The following ARHGAP5 variants were observed in gnomAD, a reference collection of about 807,000 sequenced individuals.
The protein encoded by ARHGAP5 is rho GTPase-activating protein 5.
ARHGAP5 carries 23 observed loss-of-function variants against 116.6 expected under a neutral mutation model. The observed-to-expected ratio is 0.20, with a 90% confidence interval of 0.14 to 0.28. ARHGAP5 has a LOEUF of 0.28. Among genes scored for constraint, ARHGAP5 ranks in the 10% least tolerant of loss-of-function variants. The pLI, the probability that ARHGAP5 is intolerant of heterozygous loss-of-function variation, is 1.00. For missense variants in ARHGAP5, 1,405 were observed against 1,774.8 expected (o/e 0.79, Z 3.74); for synonymous variants, 574 against 602.0 (o/e 0.95, Z 0.68).
At position 32,148,704 on chromosome 14, in the gene ARHGAP5, T is replaced by A. The variant is rs946752485; in HGVS notation, c.3944-1198T>A. Reference sequence around the variant, plus strand: ...AAAATTGTTTATGTAGGGCAAAATGTTAACAATTGATTTGGCAATTTTTTT... The same window carrying A: ...AAAATTGTTTATGTAGGGCAAAATGATAACAATTGATTTGGCAATTTTTTT... On this transcript the variant is annotated intron_variant, in intron 4 of 6. Coordinates refer to ENST00000345122, the MANE Select transcript of ARHGAP5 (RefSeq NM_001030055.2). Among the ~76,000 whole-genome samples, 30 of 152,206 alleles carry A rather than the reference T, an allele frequency of 2.0e-4. 1 individual carries two copies. The highest frequency in any genetic ancestry group is 6.5e-4 in the African/African-American group (27 of 41,460).
chr14:32,105,562 A>G (rs2139045441), intron 2 of ARHGAP5, among the ~76,000 whole-genome samples: 1 of 152,262 alleles, frequency 6.6e-6, no homozygotes, highest in African/African-American at 2.4e-5. Flanking sequence ...CTATAGTACA[A>G]TATCACAGCC....
chr14:32,128,209 A>G (rs12100775), intron 3 of ARHGAP5, among the ~76,000 whole-genome samples: 5,558 of 147,040 alleles, frequency 0.038, 338 homozygotes, highest in African/African-American at 0.13. Flanking sequence ...CTGGGCGGCC[A>G]GGCAGAGGGG....
rs1878249186 is a variant in ARHGAP5, at chr14:32,091,588, A to G, written c.919A>G (p.Ile307Val). 2.5e-6 allele frequency: 4 copies of G among 1,612,598 alleles called. No individual in the cohort carries two copies. The highest frequency in any genetic ancestry group is 3.4e-6 in the Non-Finnish European group (4 of 1,179,306). ...LKNHPDYEEY[I>V]NLEGTRKARN... Reference sequence around the variant, plus strand: ...AAATCATCCTGATTATGAAGAATACATCAACTTAGAGGGAACAAGAAAGGC... The same window carrying G: ...AAATCATCCTGATTATGAAGAATACGTCAACTTAGAGGGAACAAGAAAGGC... The change falls in exon 2 of 7, where the codon ATC (isoleucine) becomes GTC (valine). Residue 307 changes from isoleucine to valine, a missense_variant. Physicochemically the swap from Ile to Val is conservative, Grantham distance 29. This residue lies in a region of ARHGAP5 where 944 missense variants were observed against 1,095.3 expected (regional missense o/e 0.86). Coordinates refer to ENST00000345122, the MANE Select transcript of ARHGAP5 (RefSeq NM_001030055.2).
chr14:32,136,645 T>C (rs534503588), intron 3 of ARHGAP5, among the ~76,000 whole-genome samples: 2 of 152,324 alleles, frequency 1.3e-5, no homozygotes, highest in South Asian at 2.1e-4. Context: ...TGCTGGATCA[T>C]ACGGTAATTC....
chr14:32,155,277 T>C lies in ARHGAP5; in HGVS notation c.*329T>C, dbSNP rs540543106. On this transcript the variant is annotated 3_prime_UTR_variant, in exon 7 of 7. Transcript: ENST00000345122. ...TGTGAATAAAATTTTTCTATAGAAA[T>C]TAAATGATTTAAAAACTCACCTATA... 5.6e-6 allele frequency: 1 copy of C among 178,548 alleles called. No individual in the cohort carries two copies. The highest frequency in any genetic ancestry group is 1.6e-4 in the South Asian group (1 of 6,100). The allele number at this position is 178,548 out of a possible 1,614,324, so 11.1% of individuals were successfully genotyped here. A position where few individuals can be genotyped will look rare whatever the true frequency, so the allele number is the denominator to read the frequency against.
At chr14:32,081,146 A>G (rs1325855003) in intron 1 of ARHGAP5, among the ~76,000 whole-genome samples, 3 of 152,216 alleles carry the variant, frequency 2.0e-5, no homozygotes, top group Non-Finnish European at 4.4e-5. Context: ...AGAGACAGCA[A>G]GCATGACACT....
chr14:32,131,317 TA>T (rs549992540), intron 3 of ARHGAP5, among the ~76,000 whole-genome samples: 53 of 151,916 alleles, frequency 3.5e-4, no homozygotes, highest in Non-Finnish European at 7.1e-4. Context: ...AGATTTGTAT[TA>T]ATTGTGTTAA....
intron 3 of ARHGAP5, among the ~76,000 whole-genome samples, chr14:32,130,078 T>C (rs544309026): frequency 6.6e-6 from 1 of 151,270 alleles, no homozygotes; most frequent in Non-Finnish European, 1.5e-5. Flanking sequence ...TAAATACATA[T>C]ATATGTAATA....
At chr14:32,134,012 A>G (rs1880653532) in intron 3 of ARHGAP5, among the ~76,000 whole-genome samples, 1 of 152,216 alleles carries the variant, frequency 6.6e-6, no homozygotes, top group Admixed American at 6.5e-5. Flanking sequence ...TGGCAGAGAC[A>G]CAACTAAAAA....
chr14:32,093,057 T>C lies in ARHGAP5; in HGVS notation c.2388T>C (p.Leu796=), dbSNP rs1234643712. The change falls in exon 2 of 7, where the codon CTT becomes CTC. Residue 796 remains leucine (L), a synonymous_variant. Transcript: ENST00000345122. ...CGDPFSVDLI[L]SPFLDSHSCS... ...ATCCATTTAGTGTGGATCTTATTCT[T>C]TCACCCTTCCTTGATTCTCATTCTT... 4 of 1,614,032 alleles carry C rather than the reference T, an allele frequency of 2.5e-6. No individual in the cohort carries two copies. Among genetic ancestry groups the C allele is most frequent in the Non-Finnish European group, 3.4e-6 (4 of 1,179,948 alleles).
rs780538538 is a variant in ARHGAP5, at chr14:32,093,953, T to C, written c.3284T>C (p.Ile1095Thr). The change falls in exon 2 of 7, where the codon ATT becomes ACT. Residue 1095 changes from isoleucine to threonine, a missense_variant. Around this residue, in one of 6 missense-constraint regions of ARHGAP5, gnomAD observed 944 missense variants for 1,095.3 expected, o/e 0.86. Transcript: ENST00000345122. ...MDPSDNYAEP[I>T]DTIFKQKGYS... ...CCTTCAGATAACTATGCGGAACCCA[T>C]TGATACAATTTTCAAACAGAAGGGC... is the stretch of plus-strand genomic sequence containing the variant. 3.1e-6 allele frequency: 5 copies of C among 1,613,808 alleles called. No individual in the cohort carries two copies. Among genetic ancestry groups the C allele is most frequent in the African/African-American group, 1.3e-5 (1 of 74,906 alleles).
chr14:32,123,058 T>C (rs979474552), intron 3 of ARHGAP5, among the ~76,000 whole-genome samples: 5 of 152,116 alleles, frequency 3.3e-5, no homozygotes, highest in African/African-American at 4.8e-5. Flanking sequence ...CTCATTCTTA[T>C]CTGTGTTCTT....
chr14:32,081,587 G>A (rs1200651108), intron 1 of ARHGAP5, among the ~76,000 whole-genome samples: 1 of 149,528 alleles, frequency 6.7e-6, no homozygotes, highest in Admixed American at 6.6e-5. Flanking sequence ...AAGAGCATCA[G>A]TTTTGTACCT....
chr14:32,149,175 TC>T (rs1259856502), intron 4 of ARHGAP5, among the ~76,000 whole-genome samples: 7 of 151,046 alleles, frequency 4.6e-5, no homozygotes, highest in African/African-American at 1.5e-4. Flanking sequence ...ACTTATGGCC[TC>T]TTTTTTTTTT....
At chr14:32,130,751 T>G (rs1044549827) in intron 3 of ARHGAP5, among the ~76,000 whole-genome samples, 8 of 151,604 alleles carry the variant, frequency 5.3e-5, no homozygotes, top group Non-Finnish European at 8.8e-5. Flanking sequence ...CAGGCTGGTC[T>G]CAAACTCCTG....
At chr14:32,141,573 A>G (rs1489345552) in intron 3 of ARHGAP5, among the ~76,000 whole-genome samples, 1 of 152,180 alleles carries the variant, frequency 6.6e-6, no homozygotes, top group African/African-American at 2.4e-5. Context: ...TTGCCTATCT[A>G]GCTGCCATAA....
In ARHGAP5 at chr14:32,090,813, A is replaced by C; in HGVS notation, c.144A>C (p.Glu48Asp). The C allele has an allele frequency of 6.2e-7, 1 of 1,613,634 alleles. No homozygotes were observed. The highest frequency in any genetic ancestry group is 8.5e-7 in the Non-Finnish European group (1 of 1,179,616). Residue 48 changes from glutamate to aspartate, a missense_variant, in exon 2 of 7, where the codon GAA becomes GAC. Coordinates refer to ENST00000345122, the MANE Select transcript of ARHGAP5 (RefSeq NM_001030055.2). ...CNRFVRSKAD[E>D]YYPEHTSVLS... is the part of the protein sequence containing the mutation. ...GATTTGTACGCTCAAAAGCAGATGA[A>C]TATTATCCAGAGCATACTTCTGTGC...
chr14:32,130,372 A>G (rs1186445600), intron 3 of ARHGAP5, among the ~76,000 whole-genome samples: 1 of 146,560 alleles, frequency 6.8e-6, no homozygotes, highest in Non-Finnish European at 1.5e-5. Flanking sequence ...CTATCACACC[A>G]GGCTAATTTT....
At chr14:32,153,889 A>G in intron 6 of ARHGAP5, 1 of 149,564 alleles carries the variant, frequency 6.7e-6, no homozygotes, top group Non-Finnish European at 1.5e-5. Context: ...TTGATTCTCA[A>G]AAAAAAAAAG....
Sources: allele counts gnomAD v4.1 joint callset (sites outside exome capture counted in the v4.1 genomes callset), GRCh38; gene constraint gnomAD v4.1.1; regional missense constraint gnomAD v4.1.1; transcripts MANE v1.5; gene names NCBI Gene and HGNC (gene_info 2026-07-23, HGNC 2026-07-21).